Variants in CSMD2 observed in about 807,000 individuals in gnomAD.
CSMD2 encodes the protein CUB and Sushi multiple domains 2.
In CSMD2, 130 loss-of-function variants were observed where a neutral mutation model predicts 398.5. The ratio of observed to expected loss-of-function variants is 0.33; its 90% CI spans 0.28 to 0.38. CSMD2 has a LOEUF of 0.38. Ranked by LOEUF, CSMD2 falls within the 10% of genes least tolerant of loss-of-function variation. The pLI is 1.00. For synonymous variants in CSMD2, 1,828 were observed against 1,908.5 expected (o/e 0.96, Z 1.10); for missense variants, 3,829 against 4,764.9 (o/e 0.80, Z 5.78).
chr1:33,974,288 T>C (rs1363912012), intron 3 of CSMD2, among the ~76,000 whole-genome samples: 1 of 152,218 alleles, frequency 6.6e-6, no homozygotes, highest in Non-Finnish European at 1.5e-5. Context: ...TCACATGGGC[T>C]CGCACAAATC....
chr1:33,868,918 G>A (rs544078480), intron 5 of CSMD2: 2 of 152,272 alleles, frequency 1.3e-5, no homozygotes, highest in South Asian at 4.1e-4. Flanking sequence ...TGGATTTAAA[G>A]GGCAAGAAGG....
At chr1:34,080,639 A>C (rs1470910894) in intron 2 of CSMD2, among the ~76,000 whole-genome samples, 1 of 152,162 alleles carries the variant, frequency 6.6e-6, no homozygotes, top group African/African-American at 2.4e-5. Context: ...TCTTTCTAAA[A>C]TAACAACTAG....
intron 15 of CSMD2, 58 bp downstream of exon 15, chr1:33,739,082 C>T: frequency 6.5e-7 from 1 of 1,535,498 alleles, no homozygotes. Flanking sequence ...CTGCTTGCTC[C>T]CCCTCCCCAG....
intron 3 of CSMD2, among the ~76,000 whole-genome samples, chr1:34,018,729 G>A (rs1041768708): frequency 6.6e-6 from 1 of 152,136 alleles, no homozygotes; most frequent in Non-Finnish European, 1.5e-5. Flanking sequence ...ACTTTGTATG[G>A]GTTCATTATA....
intron 5 of CSMD2, chr1:33,870,367 T>C (rs1173702536): frequency 1.3e-5 from 2 of 152,122 alleles, no homozygotes; most frequent in Non-Finnish European, 2.9e-5. Context: ...CACAAGAAGA[T>C]AGCTTCAAGC....
chr1:33,673,821 A>G (rs1204194165), intron 25 of CSMD2, among the ~76,000 whole-genome samples: 3 of 152,236 alleles, frequency 2.0e-5, no homozygotes, highest in Non-Finnish European at 2.9e-5. Flanking sequence ...ATTCTTAAAG[A>G]AAAGAATTTT....
rs765876326 is a variant in CSMD2, at chr1:33,825,747, C to T, written c.1061G>A (p.Arg354Gln). ...QVKKQIELKS[R>Q]GVKLMPSKDN... is the part of the protein sequence containing the mutation. Reference sequence around the variant, plus strand: ...TTTGCTGGGCATCAGCTTCACACCTCGAGACTTCAACTCAATTTGCTTCTT... The same window carrying T: ...TTTGCTGGGCATCAGCTTCACACCTTGAGACTTCAACTCAATTTGCTTCTT... Residue 354 changes from arginine (R) to glutamine (Q), a missense_variant, in exon 7 of 71, where the codon CGA becomes CAA. Physicochemically the swap from Arg to Gln is conservative, Grantham distance 43 (BLOSUM62 1). This residue lies in a region of CSMD2 where 2,001 missense variants were observed against 2,567.1 expected (regional missense o/e 0.78). Coordinates refer to ENST00000373381, the MANE Select transcript of CSMD2 (RefSeq NM_001281956.2). 1.4e-5 allele frequency: 23 copies of T among 1,613,920 alleles called. No individual in the cohort carries two copies. The highest frequency in any genetic ancestry group is 3.3e-5 in the South Asian group (3 of 91,064).
At chr1:33,656,527 A>G (rs894755066) in intron 27 of CSMD2, among the ~76,000 whole-genome samples, 1 of 152,222 alleles carries the variant, frequency 6.6e-6, no homozygotes, top group Non-Finnish European at 1.5e-5. Context: ...CATGACTGTC[A>G]TAGGCCAGTC....
rs1249537165 is a variant in CSMD2, at chr1:33,572,627, C to T, written c.7641G>A (p.Val2547=). The change falls in exon 50 of 71, where the codon GTG becomes GTA. Residue 2547 remains valine (V), a synonymous_variant. Transcript: ENST00000373381. ...TGCAGCTGTACATGGCCTTGGTTCCCACTGTGTACTCCTTGCCAAACACCA... is the reference window on the plus strand; with the variant it reads ...TGCAGCTGTACATGGCCTTGGTTCCTACTGTGTACTCCTTGCCAAACACCA... ...NGMVFGKEYT[V]GTKAMYSCSE... is the part of the protein sequence containing the mutation. The T allele has an allele frequency of 6.2e-7, 1 of 1,614,080 alleles. No homozygotes were observed. The highest frequency in any genetic ancestry group is 1.7e-5 in the Admixed American group (1 of 60,020).
intron 12 of CSMD2, among the ~76,000 whole-genome samples, chr1:33,784,104 G>A (rs1248172881): frequency 6.6e-6 from 1 of 152,214 alleles, no homozygotes; most frequent in Non-Finnish European, 1.5e-5. Context: ...TGCAAGTGGA[G>A]AACAGATGTG....
intron 22 of CSMD2, among the ~76,000 whole-genome samples, chr1:33,707,787 G>A (rs932701529): frequency 2.0e-5 from 3 of 151,642 alleles, no homozygotes; most frequent in African/African-American, 7.3e-5. Context: ...TTGGCCAAGA[G>A]TATCCATCAT....
chr1:34,048,681 G>A (rs1476866838), intron 2 of CSMD2, among the ~76,000 whole-genome samples: 4 of 152,204 alleles, frequency 2.6e-5, no homozygotes, highest in Admixed American at 6.5e-5. Context: ...GGCCGCCAGA[G>A]CTGGTTTTGA....
chr1:33,752,115 G>A (rs1322038439), intron 13 of CSMD2, among the ~76,000 whole-genome samples: 1 of 152,174 alleles, frequency 6.6e-6, no homozygotes, highest in African/African-American at 2.4e-5. Flanking sequence ...ATTAAACAGT[G>A]GATTGCAACC....
At chr1:33,796,321 T>C (rs1654942558) in intron 10 of CSMD2, among the ~76,000 whole-genome samples, 1 of 152,260 alleles carries the variant, frequency 6.6e-6, no homozygotes, top group Non-Finnish European at 1.5e-5. Context: ...GGACACTGAA[T>C]GGAGGGACCA....
In CSMD2 at chr1:33,533,015, C is replaced by T. The variant is rs372500958; in HGVS notation, c.10171+35G>A. ...AGTTCAGCCAGCACTTTCAGCCTCC[C>T]GCCCTGGAGAGCTTCCCCGAGCAGG... On this transcript the variant is annotated intron_variant, in intron 64 of 70. Coordinates refer to ENST00000373381, the MANE Select transcript of CSMD2 (RefSeq NM_001281956.2). The surrounding 1 kb of genome is among the most constrained non-coding windows in gnomAD (Gnocchi z 4.2). 2.6e-4 allele frequency: 399 copies of T among 1,555,504 alleles called. 7 individuals are homozygous for T. Among genetic ancestry groups the T allele is most frequent in the East Asian group, 2.1e-3 (90 of 43,888 alleles).
Position 34,152,602 on chromosome 1 carries a change from T to A in CSMD2, c.187+12309A>T, listed in dbSNP as rs1016521688. The stretch of plus-strand genomic sequence containing the variant: ...CGCAAGCCATTTCCTGCTCCCCTCT[T>A]CACCTGCTCACTCCTGTTGATCCTG... On this transcript the variant is annotated intron_variant, in intron 1 of 70. Transcript: ENST00000373381. 3.9e-5 allele frequency among the ~76,000 whole-genome samples: 6 copies of A among 152,166 alleles called. 1 individual carries two copies. Among genetic ancestry groups the A allele is most frequent in the Non-Finnish European group, 7.3e-5 (5 of 68,040 alleles).
chr1:33,977,176 G>A lies in CSMD2; in HGVS notation c.518-41222C>T, dbSNP rs186517881. 3.9e-5 allele frequency among the ~76,000 whole-genome samples: 6 copies of A among 152,154 alleles called. No individual in the cohort carries two copies. The East Asian group carries it at 1.2e-3, about 30-fold the overall frequency. On this transcript the variant is annotated intron_variant, in intron 3 of 70. Coordinates refer to ENST00000373381, the MANE Select transcript of CSMD2 (RefSeq NM_001281956.2). ...GTGCTGGAGGTAAACAGCTGGCCGG[G>A]AATGACTACCTTCCCATAGAACTCC...
intron 5 of CSMD2, chr1:33,864,373 A>G (rs1365433979): frequency 6.2e-7 from 1 of 1,614,128 alleles, no homozygotes; most frequent in Non-Finnish European, 8.5e-7. Context: ...GCCAAATATG[A>G]AGCCCTGGCC....
At chr1:33,693,196 A>G in intron 24 of CSMD2, 140 bp from the exon 25 acceptor site, 1 of 987,458 alleles carries the variant, frequency 1.0e-6, no homozygotes, top group African/African-American at 1.7e-5. Flanking sequence ...GCATATTAAA[A>G]GGTCTCTGGA....
Sources: allele counts gnomAD v4.1 joint callset (sites outside exome capture counted in the v4.1 genomes callset), GRCh38; gene constraint gnomAD v4.1.1; regional missense constraint gnomAD v4.1.1; non-coding constraint Gnocchi (gnomAD v3.1); transcripts MANE v1.5; gene names NCBI Gene and HGNC (gene_info 2026-07-23, HGNC 2026-07-21).